TRIM67: variants seen among roughly 807,000 people sequenced by gnomAD.
TRIM67 encodes the protein tripartite motif containing 67, also known as tripartite motif-containing protein 67.
A neutral mutation model predicts 71.0 loss-of-function variants in TRIM67; 39 were observed. The ratio of observed to expected loss-of-function variants is 0.55; its 90% CI spans 0.43 to 0.72. The LOEUF is 0.72. Among genes scored for constraint, TRIM67 ranks in the 30% least tolerant of loss-of-function variants. The pLI is 0.00. For synonymous variants in TRIM67, 481 were observed against 473.9 expected (o/e 1.01, Z -0.19); for missense variants, 973 against 1,079.2 (o/e 0.90, Z 1.38).
intron 1 of TRIM67, among the ~76,000 whole-genome samples, chr1:231,189,468 A>T (rs1223301595): frequency 6.6e-6 from 1 of 152,128 alleles, no homozygotes; most frequent in Non-Finnish European, 1.5e-5. Flanking sequence ...TGTAAGAGGG[A>T]GATAGGAGGA....
chr1:231,200,289 G>T, intron 4 of TRIM67, 31 bp downstream of exon 4: 1 of 1,461,926 alleles, frequency 6.8e-7, no homozygotes, highest in Non-Finnish European at 9.6e-7. Flanking sequence ...CACAAAGTGG[G>T]CTTCCTCCAA....
intron 1 of TRIM67, among the ~76,000 whole-genome samples, chr1:231,188,185 C>T (rs1399146027): frequency 1.3e-5 from 2 of 152,226 alleles, no homozygotes; most frequent in South Asian, 2.1e-4. Flanking sequence ...CTCCCCCAGA[C>T]ACCTTGCTCT....
At chr1:231,203,567 G>A (rs1683610829) in intron 5 of TRIM67, among the ~76,000 whole-genome samples, 1 of 152,236 alleles carries the variant, frequency 6.6e-6, no homozygotes, top group Non-Finnish European at 1.5e-5. Context: ...ATGGGAAAGA[G>A]GACATCCTTC....
intron 8 of TRIM67, among the ~76,000 whole-genome samples, chr1:231,211,929 A>T (rs1683883556): frequency 6.6e-6 from 1 of 152,192 alleles, no homozygotes; most frequent in Non-Finnish European, 1.5e-5. Flanking sequence ...TTTAAAAATT[A>T]GCCGGGCATG....
chr1:231,186,501 G>A (rs1331583426), intron 1 of TRIM67, among the ~76,000 whole-genome samples: 2 of 152,158 alleles, frequency 1.3e-5, no homozygotes, highest in East Asian at 3.9e-4. Context: ...TGAGGGCTCT[G>A]GGAAGGACCT....
chr1:231,184,072 G>T (rs1682984045), intron 1 of TRIM67: 1 of 152,200 alleles, frequency 6.6e-6, no homozygotes, highest in Non-Finnish European at 1.5e-5. Context: ...CTCGAATAGG[G>T]TGTTAACGAA....
At chr1:231,185,034 G>C in intron 1 of TRIM67, 1 of 1,532,988 alleles carries the variant, frequency 6.5e-7, no homozygotes, top group Non-Finnish European at 8.7e-7. Context: ...CTGCTTGCAG[G>C]GCCTAGGCTA....
chr1:231,171,170 T>A (rs567435079), intron 1 of TRIM67, among the ~76,000 whole-genome samples: 1 of 152,066 alleles, frequency 6.6e-6, no homozygotes, highest in Non-Finnish European at 1.5e-5. Context: ...TGAACTAGTG[T>A]CTTATTTAGT....
intron 6 of TRIM67, among the ~76,000 whole-genome samples, chr1:231,205,850 C>T (rs542244709): frequency 3.3e-4 from 50 of 152,238 alleles, no homozygotes; most frequent in African/African-American, 1.1e-3. Context: ...ATGCCAGCCT[C>T]AGGTGTGGGA....
intron 8 of TRIM67, among the ~76,000 whole-genome samples, chr1:231,213,249 G>A (rs1558308939): frequency 2.6e-5 from 4 of 152,124 alleles, no homozygotes; most frequent in Admixed American, 1.3e-4. Context: ...TTTCTAGTGC[G>A]CAGATCCCAG....
rs1022322916 is a variant in TRIM67 at position 231,209,407 on chromosome 1, C to A, written c.2123+157C>A. The stretch of plus-strand genomic sequence containing the variant: ...CTCCATTTTCTAGGAGGCCTTCACT[C>A]TGCCCATATAGAACTGGCCTGCAGC... On this transcript the variant is annotated intron_variant, in intron 8 of 9. Transcript: ENST00000366653. This position sits in a 1 kb window ranked among gnomAD's most constrained non-coding sequence, Gnocchi z 4.1. Among the ~76,000 whole-genome samples, 24 of 152,230 alleles carry A rather than the reference C, an allele frequency of 1.6e-4. No homozygotes were observed. The highest frequency in any genetic ancestry group is 5.5e-4 in the African/African-American group (23 of 41,458).
In TRIM67 at chr1:231,200,213, C is replaced by T; in HGVS notation, c.1329C>T (p.Tyr443=). Residue 443 remains tyrosine (Y), a synonymous_variant, in exon 4 of 10, where the codon TAC becomes TAT. Transcript: ENST00000366653. ...KLRQSTGLME[Y]CLEVIKENDP... The stretch of plus-strand genomic sequence containing the variant: ...GTCAGTCCACCGGACTGATGGAGTA[C>T]TGCCTGGAGGTGATCAAGGAGAACG... 1 of 1,613,930 alleles carries T rather than the reference C, an allele frequency of 6.2e-7. No individual in the cohort carries two copies.
chr1:231,181,064 C>T (rs1394573965), intron 1 of TRIM67, among the ~76,000 whole-genome samples: 3 of 152,186 alleles, frequency 2.0e-5, no homozygotes, highest in African/African-American at 4.8e-5. Flanking sequence ...CTCCCAGGTT[C>T]GTGCGATTCT....
chr1:231,200,520 A>G (rs146415523), intron 4 of TRIM67, among the ~76,000 whole-genome samples: 104 of 152,328 alleles, frequency 6.8e-4, no homozygotes, highest in African/African-American at 2.5e-3. Context: ...ATTTTCCCCA[A>G]AAGGACAGTC....
At position 231,203,738 on chromosome 1, in the gene TRIM67, G is replaced by C. The variant is rs1683615651; in HGVS notation, c.1535-129G>C. 4.9e-6 allele frequency: 6 copies of C among 1,229,534 alleles called. No homozygotes were observed. The South Asian group carries it at 8.9e-5, about 18-fold the overall frequency. The allele number at this position is 1,229,534 out of a possible 1,614,324, so 76.2% of individuals were successfully genotyped here. On this transcript the variant is annotated intron_variant, in intron 5 of 9. Transcript: ENST00000366653. ...CTGGGCGTCTGGGAGTGACTACAGGGTGGCCAGGGAGGGAATTTAGCCTGG... is the reference window on the plus strand; with the variant it reads ...CTGGGCGTCTGGGAGTGACTACAGGCTGGCCAGGGAGGGAATTTAGCCTGG...
At chr1:231,198,591 G>A (rs973104596) in intron 2 of TRIM67, among the ~76,000 whole-genome samples, 1 of 152,128 alleles carries the variant, frequency 6.6e-6, no homozygotes, top group Admixed American at 6.5e-5. Flanking sequence ...TCTCCATGTT[G>A]GTCAGGCTGG....
intron 7 of TRIM67, among the ~76,000 whole-genome samples, chr1:231,207,986 A>C (rs555342966): frequency 6.6e-6 from 1 of 150,524 alleles, no homozygotes; most frequent in African/African-American, 2.4e-5. Context: ...GAGGTGGCTC[A>C]TCAATATCGA....
chr1:231,199,772 A>G (rs1422953573), intron 3 of TRIM67, among the ~76,000 whole-genome samples: 1 of 152,206 alleles, frequency 6.6e-6, no homozygotes, highest in African/African-American at 2.4e-5. Flanking sequence ...AGTTGATCCC[A>G]TGGTTCATAA....
chr1:231,208,010 T>A (rs1215583233), intron 7 of TRIM67, among the ~76,000 whole-genome samples: 1 of 107,026 alleles, frequency 9.3e-6, no homozygotes, highest in Non-Finnish European at 1.8e-5. Context: ...CCTCCTGTAC[T>A]TTTTTTTTTT....
Sources: gnomAD v4.1 joint callset for allele counts (sites outside exome capture counted in the v4.1 genomes callset) on GRCh38, gnomAD v4.1.1 for gene constraint, Gnocchi (gnomAD v3.1) non-coding constraint, MANE v1.5 for transcripts, NCBI Gene and HGNC (gene_info 2026-07-23, HGNC 2026-07-21) for gene names.